IL1RAPL2: variants seen among roughly 807,000 people sequenced by gnomAD.
The protein encoded by IL1RAPL2 is X-linked interleukin-1 receptor accessory protein-like 2.
In IL1RAPL2, 3 loss-of-function variants were observed where a neutral mutation model predicts 44.1. The ratio of observed to expected loss-of-function variants is 0.07; its 90% CI spans 0.03 to 0.18. The LOEUF (loss-of-function observed/expected upper bound fraction) is 0.18, where lower values mean the gene tolerates loss of function less well. Ranked by LOEUF, IL1RAPL2 falls within the 10% of genes least tolerant of loss-of-function variation. IL1RAPL2 has a pLI of 1.00. For synonymous variants in IL1RAPL2, 181 were observed against 178.8 expected (o/e 1.01, Z -0.10); for missense variants, 391 against 496.4 (o/e 0.79, Z 2.02).
intron 2 of IL1RAPL2, among the ~76,000 whole-genome samples, chrX:104,911,650 T>C (rs113854742): frequency 0.12 from 12,971 of 111,274 alleles, 761 homozygotes; most frequent in Non-Finnish European, 0.18. Context: ...GATGATGTCG[T>C]TCCTGCATCA....
rs1265394327 is a variant in IL1RAPL2, at chrX:105,238,208, G to T, written c.543+4204G>T. On this transcript the variant is annotated intron_variant, in intron 4 of 10. Transcript: ENST00000372582. ...GCCACATTTGATTGGTCAAAACTTA[G>T]TAATTGGCACAAGAGTAGGCTATGG... 3.6e-5 allele frequency among the ~76,000 whole-genome samples: 4 copies of T among 112,464 alleles called. No individual in the cohort carries two copies. The East Asian group carries it at 1.1e-3, about 32-fold the overall frequency.
intron 2 of IL1RAPL2, among the ~76,000 whole-genome samples, chrX:104,906,285 A>G (rs1238871841): frequency 1.8e-5 from 2 of 110,785 alleles, no homozygotes; most frequent in Non-Finnish European, 3.8e-5. Context: ...TCCTAATTGA[A>G]TACCCTTTAT....
At chrX:104,936,033 C>T (rs1211414684) in intron 2 of IL1RAPL2, among the ~76,000 whole-genome samples, 1 of 111,869 alleles carries the variant, frequency 8.9e-6, no homozygotes, top group Admixed American at 9.5e-5. Flanking sequence ...TGGTTTCTAC[C>T]GAGCTCAAAC....
chrX:104,885,140 G>A (rs1195226364), intron 2 of IL1RAPL2, among the ~76,000 whole-genome samples: 1 of 111,679 alleles, frequency 9.0e-6, no homozygotes, highest in Non-Finnish European at 1.9e-5. Context: ...ATCAAACCCT[G>A]GCCTTTAATG....
At chrX:104,882,261 T>C (rs957569559) in intron 2 of IL1RAPL2, among the ~76,000 whole-genome samples, 3 of 112,449 alleles carry the variant, frequency 2.7e-5, no homozygotes, top group Non-Finnish European at 3.8e-5. Flanking sequence ...ATTCAAATGA[T>C]GGAAGGGGCA....
intron 2 of IL1RAPL2, among the ~76,000 whole-genome samples, chrX:104,664,581 C>T (rs1474659561): frequency 1.8e-5 from 2 of 111,579 alleles, no homozygotes; most frequent in Non-Finnish European, 3.8e-5. Context: ...TTGTTGCTTA[C>T]TGTGGGAGAG....
At chrX:105,330,062 C>T (rs1180307062) in intron 5 of IL1RAPL2, among the ~76,000 whole-genome samples, 3 of 111,029 alleles carry the variant, frequency 2.7e-5, no homozygotes, top group Non-Finnish European at 5.7e-5. Context: ...GAAATTAATG[C>T]AGAATTTTAT....
intron 5 of IL1RAPL2, among the ~76,000 whole-genome samples, chrX:105,425,422 T>G (rs2035802051): frequency 9.1e-6 from 1 of 109,597 alleles, no homozygotes; most frequent in Non-Finnish European, 1.9e-5. Context: ...TTGATTAAGG[T>G]GAATGGGAAC....
intron 6 of IL1RAPL2, among the ~76,000 whole-genome samples, chrX:105,697,435 A>C (rs2038085375): frequency 8.9e-6 from 1 of 111,738 alleles, no homozygotes; most frequent in Admixed American, 9.5e-5. Context: ...GTGGCAGAGG[A>C]ATCAGCAGTT....
chrX:104,712,585 C>T (rs1273314644), intron 2 of IL1RAPL2, among the ~76,000 whole-genome samples: 1 of 111,060 alleles, frequency 9.0e-6, no homozygotes, highest in African/African-American at 3.3e-5. Flanking sequence ...AATAAATATA[C>T]ATTTGAGAGA....
At chrX:105,147,205 A>G (rs1044892378) in intron 2 of IL1RAPL2, among the ~76,000 whole-genome samples, 5 of 111,687 alleles carry the variant, frequency 4.5e-5, no homozygotes, top group African/African-American at 6.5e-5. Context: ...TTTAGTTTCT[A>G]TAGGAAACCA....
At chrX:104,871,801 A>G (rs1922771280) in intron 2 of IL1RAPL2, among the ~76,000 whole-genome samples, 1 of 111,840 alleles carries the variant, frequency 8.9e-6, no homozygotes, top group Admixed American at 9.5e-5. Context: ...CTTCCTGAAC[A>G]CTTATGAAAA....
chrX:104,741,548 A>C (rs1264436566), intron 2 of IL1RAPL2, among the ~76,000 whole-genome samples: 2 of 111,038 alleles, frequency 1.8e-5, no homozygotes, highest in Non-Finnish European at 3.8e-5. Context: ...TGAGATATGA[A>C]GTGAACCTAT....
chrX:105,347,243 G>T (rs2035117453), intron 5 of IL1RAPL2, among the ~76,000 whole-genome samples: 1 of 111,614 alleles, frequency 9.0e-6, no homozygotes, highest in Non-Finnish European at 1.9e-5. Context: ...TAAGCCAATT[G>T]CACACATACT....
At chrX:105,547,194 A>G (rs1273708533) in intron 6 of IL1RAPL2, among the ~76,000 whole-genome samples, 1 of 112,656 alleles carries the variant, frequency 8.9e-6, no homozygotes, top group Non-Finnish European at 1.9e-5. Context: ...AGCTTTAAGT[A>G]CAAATCAAAT....
intron 2 of IL1RAPL2, among the ~76,000 whole-genome samples, chrX:104,678,252 A>T (rs116038010): frequency 0.02 from 2,304 of 112,489 alleles, 57 homozygotes; most frequent in African/African-American, 0.07. Context: ...GGGATCCCAT[A>T]TTTAAACTTA....
At chrX:104,906,949 G>A (rs1285255856) in intron 2 of IL1RAPL2, among the ~76,000 whole-genome samples, 1 of 111,470 alleles carries the variant, frequency 9.0e-6, no homozygotes, top group Non-Finnish European at 1.9e-5. Context: ...TTTTTGGTTG[G>A]TAAGCTATTG....
At chrX:105,472,869 T>C (rs1029814477) in intron 5 of IL1RAPL2, among the ~76,000 whole-genome samples, 6 of 111,769 alleles carry the variant, frequency 5.4e-5, no homozygotes, top group Non-Finnish European at 1.1e-4. Flanking sequence ...TAGTATGATT[T>C]AGTTCATTTG....
chrX:104,936,605 T>C (rs1365723321), intron 2 of IL1RAPL2, among the ~76,000 whole-genome samples: 2 of 107,502 alleles, frequency 1.9e-5, no homozygotes. Flanking sequence ...ATGGAGAAAA[T>C]TGCATTTACC....
Sources: gnomAD v4.1 joint callset for allele counts (sites outside exome capture counted in the v4.1 genomes callset) on GRCh38, gnomAD v4.1.1 for gene constraint, MANE v1.5 for transcripts, NCBI Gene and HGNC (gene_info 2026-07-23, HGNC 2026-07-21) for gene names.